KCNH5: variants seen among roughly 807,000 people sequenced by gnomAD.
KCNH5 encodes voltage-gated delayed rectifier potassium channel KCNH5.
A neutral mutation model predicts 96.1 loss-of-function variants in KCNH5; 46 were observed. The observed-to-expected ratio is 0.48, with a 90% CI of 0.38 to 0.61. The LOEUF (loss-of-function observed/expected upper bound fraction) is 0.61, where lower values mean the gene tolerates loss of function less well. Among genes scored for constraint, KCNH5 ranks in the 20% least tolerant of loss-of-function variants. KCNH5 has a pLI of 0.00. For missense variants in KCNH5, 907 were observed against 1,225.8 expected (o/e 0.74, Z 3.88); for synonymous variants, 439 against 449.8 (o/e 0.98, Z 0.30).
chr14:62,774,707 A>G (rs2139969931), intron 10 of KCNH5, among the ~76,000 whole-genome samples: 1 of 152,322 alleles, frequency 6.6e-6, no homozygotes, highest in Non-Finnish European at 1.5e-5. Flanking sequence ...ATAAATACAT[A>G]CATAAAGTAA....
intron 7 of KCNH5, among the ~76,000 whole-genome samples, chr14:62,860,636 G>A (rs557611561): frequency 1.6e-4 from 25 of 152,230 alleles, no homozygotes; most frequent in African/African-American, 6.0e-4. Context: ...ATCTTTAGAA[G>A]CCCCCAGCTA....
intron 3 of KCNH5, among the ~76,000 whole-genome samples, chr14:63,003,619 TATATA>T (rs1891068017): frequency 1.6e-5 from 2 of 123,102 alleles, no homozygotes; most frequent in African/African-American, 6.9e-5. Context: ...TATATATATA[TATATA>T]TTTTTTTTTT....
chr14:63,024,410 T>C (rs187045521), intron 1 of KCNH5, among the ~76,000 whole-genome samples: 58 of 151,732 alleles, frequency 3.8e-4, no homozygotes, highest in African/African-American at 1.4e-3. Context: ...CCAAAGTTAG[T>C]AGAAGGAAAG....
chr14:62,903,678 G>GT (rs1888972979), intron 7 of KCNH5, among the ~76,000 whole-genome samples: 1 of 151,364 alleles, frequency 6.6e-6, no homozygotes, highest in African/African-American at 2.4e-5. Flanking sequence ...GTAAACAAAC[G>GT]TTAAAAAAAA....
intron 9 of KCNH5, among the ~76,000 whole-genome samples, chr14:62,780,894 G>C (rs1309156573): frequency 6.6e-6 from 1 of 152,128 alleles, no homozygotes; most frequent in African/African-American, 2.4e-5. Context: ...ATATATCCAG[G>C]AGGGAAACAT....
intron 7 of KCNH5, among the ~76,000 whole-genome samples, chr14:62,873,101 G>T (rs1295619651): frequency 6.9e-6 from 1 of 145,754 alleles, no homozygotes; most frequent in Non-Finnish European, 1.5e-5. Context: ...AGTGAGCCAA[G>T]ATCGCGCCAC....
At chr14:62,793,645 T>G (rs372816139) in intron 9 of KCNH5, among the ~76,000 whole-genome samples, 9 of 151,778 alleles carry the variant, frequency 5.9e-5, no homozygotes, top group East Asian at 5.8e-4. Context: ...GCTATATTAT[T>G]TATTTATAAA....
chr14:62,958,730 C>G (rs1410602127), intron 6 of KCNH5, among the ~76,000 whole-genome samples: 1 of 152,106 alleles, frequency 6.6e-6, no homozygotes, highest in Non-Finnish European at 1.5e-5. Flanking sequence ...CAAGTCCTGG[C>G]TCAATTACCA....
chr14:62,722,154 C>G (rs930038454), intron 10 of KCNH5, among the ~76,000 whole-genome samples: 6 of 152,192 alleles, frequency 3.9e-5, no homozygotes, highest in African/African-American at 1.4e-4. Flanking sequence ...AAAACCCTCA[C>G]CCTCATGTTC....
intron 7 of KCNH5, among the ~76,000 whole-genome samples, chr14:62,927,432 G>T (rs10140285): frequency 0.7 from 106,730 of 152,040 alleles, 38,346 homozygotes; most frequent in East Asian, 0.99. Flanking sequence ...GAGATATTTA[G>T]ACACCCATGT....
intron 9 of KCNH5, among the ~76,000 whole-genome samples, chr14:62,801,133 A>T (rs1886650716): frequency 6.6e-6 from 1 of 152,052 alleles, no homozygotes. Flanking sequence ...TTTTTCAAGT[A>T]ATGGTGCTTT....
chr14:62,947,805 CTTTT>C (rs1889919026), intron 7 of KCNH5, among the ~76,000 whole-genome samples: 1 of 145,232 alleles, frequency 6.9e-6, no homozygotes. Context: ...TCAGTACAAT[CTTTT>C]TTATTTATTT....
At chr14:62,760,827 A>G (rs187576729) in intron 10 of KCNH5, among the ~76,000 whole-genome samples, 5 of 152,374 alleles carry the variant, frequency 3.3e-5, no homozygotes, top group Non-Finnish European at 7.3e-5. Context: ...GGAATAAAAA[A>G]GACATTGCAG....
intron 7 of KCNH5, among the ~76,000 whole-genome samples, chr14:62,886,161 A>ACACAC (rs1888593260): frequency 1.7e-5 from 2 of 114,570 alleles, no homozygotes; most frequent in Non-Finnish European, 2.0e-5. Flanking sequence ...CACACACACA[A>ACACAC]GAATATCACT....
intron 7 of KCNH5, among the ~76,000 whole-genome samples, chr14:62,914,998 G>C (rs116003334): frequency 0.034 from 5,228 of 152,314 alleles, 108 homozygotes; most frequent in African/African-American, 0.056. Context: ...TATTTCCAGA[G>C]CTGAGCCAGT....
chr14:62,873,956 G>A (rs766539687), intron 7 of KCNH5, among the ~76,000 whole-genome samples: 6 of 151,942 alleles, frequency 3.9e-5, no homozygotes, highest in Non-Finnish European at 8.8e-5. Context: ...TCATATTTTC[G>A]GGGTCTCAAT....
chr14:62,904,340 C>T (rs1001350490), intron 7 of KCNH5, among the ~76,000 whole-genome samples: 5 of 152,218 alleles, frequency 3.3e-5, no homozygotes, highest in African/African-American at 1.2e-4. Flanking sequence ...TACTACCTCA[C>T]TTGTATGCTA....
chr14:62,741,778 G>A lies in KCNH5; in HGVS notation c.2020-33323C>T, dbSNP rs79628086. Among the ~76,000 whole-genome samples the A allele has an allele frequency of 6.0e-4, 91 of 152,046 alleles. No homozygotes were observed. In the East Asian group the frequency reaches 0.011, roughly 18 times the overall value. ...GTTTTGTTTCCTGCTTTTATTTTAC[G>A]GTAGCCTCTACATTTGTGTTTTAAA... On this transcript the variant is annotated intron_variant, in intron 10 of 10. Coordinates refer to ENST00000322893, the MANE Select transcript of KCNH5 (RefSeq NM_139318.5).
At chr14:62,882,636 C>T (rs886356766) in intron 7 of KCNH5, among the ~76,000 whole-genome samples, 3 of 152,148 alleles carry the variant, frequency 2.0e-5, no homozygotes, top group South Asian at 4.1e-4. Flanking sequence ...ATACAATAAT[C>T]GCTTTACAAC....
Sources: gnomAD v4.1 joint callset for allele counts (sites outside exome capture counted in the v4.1 genomes callset) on GRCh38, gnomAD v4.1.1 for gene constraint, MANE v1.5 for transcripts, NCBI Gene and HGNC (gene_info 2026-07-23, HGNC 2026-07-21) for gene names.